The following HS6ST2 variants were observed in gnomAD, a reference collection of about 807,000 sequenced individuals.
HS6ST2 encodes heparan-sulfate 6-O-sulfotransferase 2.
HS6ST2 carries 17 observed loss-of-function variants against 33.0 expected under a neutral mutation model. The observed-to-expected ratio is 0.52, with a 90% CI of 0.35 to 0.77. The LOEUF (loss-of-function observed/expected upper bound fraction) is 0.77. Among genes scored for constraint, HS6ST2 ranks in the 30% least tolerant of loss-of-function variants. The pLI, the probability that HS6ST2 is intolerant of heterozygous loss-of-function variation, is 0.01. For synonymous variants in HS6ST2, 248 were observed against 237.1 expected (o/e 1.05, Z -0.42); for missense variants, 519 against 551.7 (o/e 0.94, Z 0.59).
At chrX:132,754,201 A>G (rs948453112) in intron 2 of HS6ST2, among the ~76,000 whole-genome samples, 1 of 110,144 alleles carries the variant, frequency 9.1e-6, no homozygotes. Context: ...ATTCTATTGG[A>G]ATTTTTCTGA....
At chrX:132,882,905 A>T (rs1474823661) in intron 2 of HS6ST2, among the ~76,000 whole-genome samples, 3 of 110,978 alleles carry the variant, frequency 2.7e-5, no homozygotes, top group Non-Finnish European at 3.8e-5. Flanking sequence ...TGTCTTTGGG[A>T]CTGTTTATAT....
chrX:132,942,461 G>A (rs1431503959), intron 2 of HS6ST2, among the ~76,000 whole-genome samples: 1 of 111,974 alleles, frequency 8.9e-6, no homozygotes, highest in African/African-American at 3.2e-5. Flanking sequence ...TTGCATAATG[G>A]CACTTTTCTA....
At chrX:132,876,202 T>A (rs2066107156) in intron 2 of HS6ST2, among the ~76,000 whole-genome samples, 1 of 111,449 alleles carries the variant, frequency 9.0e-6, no homozygotes. Flanking sequence ...GATTGGAAGA[T>A]GGGCAATTTG....
intron 4 of HS6ST2, among the ~76,000 whole-genome samples, chrX:132,640,664 G>A (rs1312590214): frequency 2.7e-5 from 3 of 111,324 alleles, no homozygotes; most frequent in Non-Finnish European, 5.7e-5. Context: ...AGTGATTTAA[G>A]TTTTCAAGCA....
intron 2 of HS6ST2, among the ~76,000 whole-genome samples, chrX:132,913,889 T>C (rs1173480495): frequency 9.0e-6 from 1 of 111,698 alleles, no homozygotes; most frequent in South Asian, 3.8e-4. Flanking sequence ...TTGGGGAATA[T>C]GTTACCCATA....
chrX:132,704,618 C>A (rs1357346569), intron 3 of HS6ST2, among the ~76,000 whole-genome samples: 2 of 112,183 alleles, frequency 1.8e-5, no homozygotes, highest in Non-Finnish European at 3.8e-5. Flanking sequence ...ACATGCCAAT[C>A]TTCCAGCACC....
At chrX:132,879,341 T>C (rs1364547183) in intron 2 of HS6ST2, among the ~76,000 whole-genome samples, 6 of 111,938 alleles carry the variant, frequency 5.4e-5, no homozygotes, top group Non-Finnish European at 5.6e-5. Context: ...CCACCCATCA[T>C]AGAAATCCTG....
intron 2 of HS6ST2, among the ~76,000 whole-genome samples, chrX:132,828,316 G>GA (rs1229898633): frequency 1.8e-5 from 2 of 109,765 alleles, no homozygotes; most frequent in Admixed American, 9.8e-5. Context: ...TTCTTGAAGG[G>GA]AAAAAAAAGG....
At chrX:132,942,343 T>C (rs1328521744) in intron 2 of HS6ST2, among the ~76,000 whole-genome samples, 1 of 111,897 alleles carries the variant, frequency 8.9e-6, no homozygotes, top group African/African-American at 3.2e-5. Flanking sequence ...GGTTCTTCCA[T>C]ACCTTCAACC....
At chrX:132,712,689 G>A (rs1418450450) in intron 2 of HS6ST2, among the ~76,000 whole-genome samples, 1 of 111,862 alleles carries the variant, frequency 8.9e-6, no homozygotes, top group African/African-American at 3.3e-5. Flanking sequence ...GCATGACACT[G>A]AAAAGGCAAC....
intron 3 of HS6ST2, among the ~76,000 whole-genome samples, chrX:132,692,425 T>A (rs1208775860): frequency 9.0e-6 from 1 of 111,104 alleles, no homozygotes; most frequent in African/African-American, 3.3e-5. Context: ...GCTACTATTA[T>A]CTTTGGAAGA....
intron 2 of HS6ST2, among the ~76,000 whole-genome samples, chrX:132,944,103 G>T (rs945572337): frequency 1.8e-5 from 2 of 111,602 alleles, no homozygotes; most frequent in Non-Finnish European, 3.8e-5. Flanking sequence ...TATATATCTA[G>T]AAAACCCCAT....
chrX:132,942,150 G>GA (rs371709033), intron 2 of HS6ST2, among the ~76,000 whole-genome samples: 129 of 109,744 alleles, frequency 1.2e-3, no homozygotes, highest in Middle Eastern at 4.7e-3. Context: ...GCCACTTTCA[G>GA]AAAAAAAAAT....
At chrX:132,748,916 A>G (rs1473962500) in intron 2 of HS6ST2, among the ~76,000 whole-genome samples, 1 of 111,851 alleles carries the variant, frequency 8.9e-6, no homozygotes, top group Non-Finnish European at 1.9e-5. Context: ...AGCGTGGGCC[A>G]CTGTTCCCAG....
intron 2 of HS6ST2, among the ~76,000 whole-genome samples, chrX:132,723,093 C>T (rs975041924): frequency 4.4e-4 from 49 of 111,071 alleles, no homozygotes; most frequent in African/African-American, 1.6e-3. Context: ...TGGACAAATT[C>T]CTAGACACAT....
At chrX:132,739,020 G>A (rs1362734892) in intron 2 of HS6ST2, among the ~76,000 whole-genome samples, 1 of 111,884 alleles carries the variant, frequency 8.9e-6, no homozygotes, top group Non-Finnish European at 1.9e-5. Context: ...CTTTACCACT[G>A]GGAGTCACTT....
chrX:132,651,912 C>T (rs2063695763), intron 4 of HS6ST2, among the ~76,000 whole-genome samples: 2 of 112,029 alleles, frequency 1.8e-5, no homozygotes, highest in South Asian at 3.8e-4. Context: ...TTAGGTAGTA[C>T]TCTCACAACT....
intron 2 of HS6ST2, among the ~76,000 whole-genome samples, chrX:132,871,135 A>G (rs2066053329): frequency 1.8e-5 from 2 of 112,476 alleles, no homozygotes; most frequent in Non-Finnish European, 3.8e-5. Context: ...ACACTTCTCC[A>G]AAGAAGACAT....
chrX:132,791,997 G>T (rs1284155674), intron 2 of HS6ST2, among the ~76,000 whole-genome samples: 1 of 111,540 alleles, frequency 9.0e-6, no homozygotes, highest in East Asian at 2.8e-4. Context: ...AAAAAAAAAA[G>T]TTACACTTTC....
Sources: allele counts gnomAD v4.1 joint callset (sites outside exome capture counted in the v4.1 genomes callset), GRCh38; gene constraint gnomAD v4.1.1; transcripts MANE v1.5; gene names NCBI Gene and HGNC (gene_info 2026-07-23, HGNC 2026-07-21).